PYGB: variants seen among roughly 807,000 people sequenced by gnomAD.
PYGB encodes glycogen phosphorylase B, also known as glycogen phosphorylase, brain form.
Under a neutral mutation model 94.3 loss-of-function variants are expected in PYGB, and 82 were observed. That is an observed-to-expected ratio of 0.87 (90% CI 0.73 to 1.04). The LOEUF (loss-of-function observed/expected upper bound fraction) is 1.04, where lower values mean the gene tolerates loss of function less well. Ranked by LOEUF, PYGB falls within the 50% of genes least tolerant of loss-of-function variation. The pLI is 0.00. For missense variants in PYGB, 1,132 were observed against 1,158.2 expected (o/e 0.98, Z 0.33); for synonymous variants, 488 against 479.1 (o/e 1.02, Z -0.24).
intron 14 of PYGB, among the ~76,000 whole-genome samples, 154 bp downstream of exon 14, chr20:25,284,405 A>G (rs919571869): frequency 6.6e-6 from 1 of 152,166 alleles, no homozygotes; most frequent in African/African-American, 2.4e-5. Context: ...TTTAAGCAAA[A>G]GCCATGTTTT....
At chr20:25,255,012 T>A (rs560348914) in intron 1 of PYGB, among the ~76,000 whole-genome samples, 2 of 152,298 alleles carry the variant, frequency 1.3e-5, no homozygotes, top group East Asian at 3.9e-4. Flanking sequence ...GAGAAGGAAA[T>A]CCACGATCCA....
At chr20:25,294,041 C>A in intron 17 of PYGB, 117 bp from the exon 18 acceptor site, 1 of 1,419,186 alleles carries the variant, frequency 7.0e-7, no homozygotes, top group South Asian at 1.3e-5. Context: ...ACCGTGCAGG[C>A]CTTGAGCTCC....
In PYGB at chr20:25,297,735, G is replaced by C. The variant is rs181745719; in HGVS notation, c.*1213G>C. ...GCACCTTGCATGCTGGATCTGGGCT[G>C]CGGGGAGGCTCTTTTTCTCCCTGGC... On this transcript the variant is annotated 3_prime_UTR_variant, in exon 20 of 20. Transcript: ENST00000216962. 2.6e-5 allele frequency: 4 copies of C among 152,344 alleles called. No individual in the cohort carries two copies. The highest frequency in any genetic ancestry group is 9.6e-5 in the African/African-American group (4 of 41,474). The allele number at this position is 152,344 out of a possible 1,614,324, so 9.4% of individuals were successfully genotyped here.
chr20:25,268,157 A>ACCCCCCCCCCCCCC (rs375575044), intron 2 of PYGB, among the ~76,000 whole-genome samples: 4 of 28,322 alleles, frequency 1.4e-4, no homozygotes, highest in Non-Finnish European at 2.8e-4. Context: ...AAATCCTAGC[A>ACCCCCCCCCCCCCC]CCCGCCCCCC....
In PYGB at chr20:25,271,352, A is replaced by C. The variant is rs774112446; in HGVS notation, c.425-31A>C. 2.5e-6 allele frequency: 4 copies of C among 1,607,074 alleles called. No individual in the cohort carries two copies. In the South Asian group the frequency reaches 4.4e-5, roughly 18 times the overall value. On this transcript the variant is annotated intron_variant, in intron 3 of 19. Transcript: ENST00000216962. ...ATGGGACCTTGGTGCCGTGCCTTTG[A>C]TTCTGACTGATTTGTGATTGATTTT...
intron 1 of PYGB, among the ~76,000 whole-genome samples, chr20:25,256,291 A>G (rs1026849870): frequency 6.6e-6 from 1 of 151,862 alleles, no homozygotes; most frequent in Admixed American, 6.6e-5. Flanking sequence ...TATTTGGTGT[A>G]CTGTTCGTGT....
chr20:25,280,638 C>T lies in PYGB; in HGVS notation c.1239+226C>T, dbSNP rs574609745. ...TGTAAATTAAATTGCACGTCCTCTCCCTCAGACCCATCTTCCTCAGACAGC... is the reference window on the plus strand; with the variant it reads ...TGTAAATTAAATTGCACGTCCTCTCTCTCAGACCCATCTTCCTCAGACAGC... On this transcript the variant is annotated intron_variant, in intron 10 of 19. Coordinates refer to ENST00000216962, the MANE Select transcript of PYGB (RefSeq NM_002862.4). Among the ~76,000 whole-genome samples, 9 of 152,360 alleles carry T rather than the reference C, an allele frequency of 5.9e-5. No homozygotes were observed. The South Asian group carries it at 1.2e-3, about 21-fold the overall frequency.
At chr20:25,292,867 G>A (rs943487989) in intron 17 of PYGB, among the ~76,000 whole-genome samples, 15 of 152,108 alleles carry the variant, frequency 9.9e-5, no homozygotes, top group East Asian at 5.9e-4. Flanking sequence ...CTGAATCTGC[G>A]GAGTCCAGAC....
chr20:25,266,061 G>A (rs6115117), intron 2 of PYGB, among the ~76,000 whole-genome samples: 1 of 151,814 alleles, frequency 6.6e-6, no homozygotes, highest in African/African-American at 2.4e-5. Flanking sequence ...ATGTTGGTCA[G>A]GCTGTTCTCA....
At chr20:25,291,118 C>T (rs953304376) in intron 16 of PYGB, among the ~76,000 whole-genome samples, 1 of 152,216 alleles carries the variant, frequency 6.6e-6, no homozygotes, top group Non-Finnish European at 1.5e-5. Flanking sequence ...CTCCACTGCC[C>T]CTCCTCCGCC....
chr20:25,255,474 G>C (rs942616551), intron 1 of PYGB, among the ~76,000 whole-genome samples: 3 of 152,124 alleles, frequency 2.0e-5, no homozygotes, highest in African/African-American at 4.8e-5. Context: ...CTGGCTCAGT[G>C]GCCTGTGTTC....
chr20:25,294,254 C>CTGAA lies in PYGB; in HGVS notation c.2275_2276insGAAT (p.Phe759Ter). On this transcript the variant is annotated stop_gained and frameshift_variant, in exon 18 of 20. Coordinates refer to ENST00000216962, the MANE Select transcript of PYGB (RefSeq NM_002862.4). LOFTEE classifies it high-confidence loss of function. ...TTTTTTCTCCCAAGGAGCCAGACTG[C>CTGAA]TTCAAGGACATCGTGAACATGCTGA... is the stretch of plus-strand genomic sequence containing the variant. 6.7e-7 allele frequency: 1 copy of CTGAA among 1,487,154 alleles called. No homozygotes were observed. The highest frequency in any genetic ancestry group is 9.1e-7 in the Non-Finnish European group (1 of 1,098,856). The allele number at this position is 1,487,154 out of a possible 1,614,324, so 92.1% of individuals were successfully genotyped here. A position where few individuals can be genotyped will look rare whatever the true frequency, so the allele number is the denominator to read the frequency against.
At chr20:25,277,385 T>C (rs773332091) in intron 7 of PYGB, 59 bp downstream of exon 7, 36 of 1,489,946 alleles carry the variant, frequency 2.4e-5, no homozygotes, top group Non-Finnish European at 3.3e-5. Flanking sequence ...CATAGAGAGG[T>C]GGGCTGGCTG....
At chr20:25,253,671 TC>T (rs2092894820) in intron 1 of PYGB, among the ~76,000 whole-genome samples, 1 of 139,152 alleles carries the variant, frequency 7.2e-6, no homozygotes, top group Non-Finnish European at 1.6e-5. Flanking sequence ...GTAACCGACC[TC>T]ACCTCCACAT....
chr20:25,271,549 C>G, intron 4 of PYGB, 63 bp downstream of exon 4: 1 of 1,539,834 alleles, frequency 6.5e-7, no homozygotes, highest in South Asian at 1.1e-5. Context: ...AATGGCAGCA[C>G]TTGCAGTTTG....
chr20:25,260,676 G>A (rs1398370099), intron 2 of PYGB, among the ~76,000 whole-genome samples: 2 of 152,186 alleles, frequency 1.3e-5, no homozygotes, highest in African/African-American at 2.4e-5. Context: ...AAAGCAGGGC[G>A]AGGCATTGCC....
chr20:25,283,908 C>A (rs1375689949), intron 13 of PYGB, among the ~76,000 whole-genome samples, 196 bp from the exon 14 acceptor site: 1 of 152,104 alleles, frequency 6.6e-6, no homozygotes, highest in African/African-American at 2.4e-5. Flanking sequence ...TTGGTGTGGA[C>A]CCACCTTCAG....
chr20:25,250,892 T>C (rs1265949537), intron 1 of PYGB: 1 of 152,234 alleles, frequency 6.6e-6, no homozygotes, highest in Non-Finnish European at 1.5e-5. Flanking sequence ...TTAACTGTAA[T>C]CCTGTAACCC....
At chr20:25,295,173 T>G in intron 18 of PYGB, 1 of 875,560 alleles carries the variant, frequency 1.1e-6, no homozygotes, top group Non-Finnish European at 1.9e-6. Context: ...AAGTCAGTAT[T>G]TCCTGTGTAG....
Sources: gnomAD v4.1 joint callset for allele counts (sites outside exome capture counted in the v4.1 genomes callset) on GRCh38, gnomAD v4.1.1 for gene constraint, MANE v1.5 for transcripts, NCBI Gene and HGNC (gene_info 2026-07-23, HGNC 2026-07-21) for gene names.